Variants in CPNE4 observed in about 807,000 individuals in gnomAD.
CPNE4 encodes copine-4.
CPNE4 carries 25 observed loss-of-function variants against 67.9 expected under a neutral mutation model. That is an observed-to-expected ratio of 0.37 (90% CI 0.27 to 0.51). The LOEUF (loss-of-function observed/expected upper bound fraction) is 0.51. Ranked by LOEUF, CPNE4 falls within the 20% of genes least tolerant of loss-of-function variation. The probability of loss-of-function intolerance (pLI) is 0.93; values close to 1 mark genes in which losing one functional copy is unlikely to be tolerated. For missense variants in CPNE4, 464 were observed against 690.8 expected, an observed-to-expected ratio of 0.67 and a Z score of 3.68; for synonymous variants, 242 against 244.9, an observed-to-expected ratio of 0.99 and a Z score of 0.11.
intron 1 of CPNE4, among the ~76,000 whole-genome samples, chr3:131,997,330 GA>G (rs2073319554): frequency 6.6e-6 from 1 of 152,100 alleles, no homozygotes; most frequent in Non-Finnish European, 1.5e-5. Context: ...CCACTGTAGA[GA>G]CTGGTCTTCA....
At chr3:131,731,063 G>A (rs557780601) in intron 2 of CPNE4, among the ~76,000 whole-genome samples, 12 of 152,222 alleles carry the variant, frequency 7.9e-5, no homozygotes, top group African/African-American at 1.9e-4. Flanking sequence ...TAAACTGAAC[G>A]AGTGATCCAG....
chr3:131,535,453 C>A, intron 15 of CPNE4, 124 bp from the exon 16 acceptor site: 1 of 949,572 alleles, frequency 1.1e-6, no homozygotes, highest in Non-Finnish European at 1.5e-6. Flanking sequence ...CGTTATTTGT[C>A]AAGGGTCTAC....
At chr3:131,823,251 T>G (rs1322712919) in intron 2 of CPNE4, among the ~76,000 whole-genome samples, 1 of 152,266 alleles carries the variant, frequency 6.6e-6, no homozygotes, top group Non-Finnish European at 1.5e-5. Flanking sequence ...CTTCACATAC[T>G]ATTCAGTCCT....
chr3:131,946,620 A>G (rs2071559672), intron 1 of CPNE4, among the ~76,000 whole-genome samples: 1 of 152,216 alleles, frequency 6.6e-6, no homozygotes. Context: ...GAGTTGTGAG[A>G]GTTCTTTATA....
intron 2 of CPNE4, among the ~76,000 whole-genome samples, chr3:131,883,859 T>C (rs1249509201): frequency 1.3e-5 from 2 of 152,254 alleles, no homozygotes; most frequent in African/African-American, 4.8e-5. Flanking sequence ...ATTCCTTAAA[T>C]AGGCTAAGCA....
At chr3:131,805,250 T>G (rs974663494) in intron 2 of CPNE4, among the ~76,000 whole-genome samples, 1 of 152,190 alleles carries the variant, frequency 6.6e-6, no homozygotes, top group Non-Finnish European at 1.5e-5. Flanking sequence ...TTATTTTGGA[T>G]AGCTAGTGTA....
chr3:131,613,731 T>C (rs1213541873), intron 7 of CPNE4, among the ~76,000 whole-genome samples: 1 of 152,188 alleles, frequency 6.6e-6, no homozygotes, highest in Non-Finnish European at 1.5e-5. Context: ...CTGAAAAATT[T>C]GGACACCTCA....
chr3:131,564,463 A>C lies in CPNE4; in HGVS notation c.928-114T>G, dbSNP rs908700990. 5.4e-4 allele frequency: 483 copies of C among 893,078 alleles called. 2 individuals are homozygous for C. Among genetic ancestry groups the C allele is most frequent in the Admixed American group, 8.8e-4 (31 of 35,258 alleles). The allele number at this position is 893,078 out of a possible 1,614,324, so 55.3% of individuals were successfully genotyped here. Reference sequence around the variant, plus strand: ...GGTCAAAAACAGTAGCACATTACATACCCTGCCAATAAAGAAAGAGAATAA... The same window carrying C: ...GGTCAAAAACAGTAGCACATTACATCCCCTGCCAATAAAGAAAGAGAATAA... On this transcript the variant is annotated intron_variant, in intron 10 of 15. Transcript: ENST00000429747.
At chr3:131,571,568 C>G (rs1427918399) in intron 10 of CPNE4, among the ~76,000 whole-genome samples, 1 of 152,054 alleles carries the variant, frequency 6.6e-6, no homozygotes, top group African/African-American at 2.4e-5. Context: ...TTTCAGTCTT[C>G]TCATTGTATT....
intron 1 of CPNE4, among the ~76,000 whole-genome samples, chr3:131,932,432 G>T (rs1369092075): frequency 1.3e-5 from 2 of 152,010 alleles, no homozygotes; most frequent in African/African-American, 4.8e-5. Context: ...TGATTAAGTG[G>T]AACACAAGAC....
intron 2 of CPNE4, among the ~76,000 whole-genome samples, chr3:131,726,265 T>C (rs2081996922): frequency 6.6e-6 from 1 of 152,220 alleles, no homozygotes; most frequent in South Asian, 2.1e-4. Context: ...TCCAGTGGCA[T>C]TCCCTTATAA....
intron 1 of CPNE4, among the ~76,000 whole-genome samples, chr3:131,947,814 T>C (rs2071600051): frequency 6.6e-6 from 1 of 152,162 alleles, no homozygotes; most frequent in Admixed American, 6.5e-5. Context: ...ATTGCCACGC[T>C]CTCTTCCACA....
intron 14 of CPNE4, among the ~76,000 whole-genome samples, chr3:131,549,009 T>G (rs566807735): frequency 1.3e-5 from 2 of 152,250 alleles, no homozygotes; most frequent in East Asian, 3.9e-4. Flanking sequence ...TTAATGGGAA[T>G]GAGTCTTCAG....
rs150288396 is a variant in CPNE4 at position 131,879,424 on chromosome 3, T to G, written c.180+25840A>C. ...CGACATTAACATACTCTATCTTCTA[T>G]GATAAATTAATGGGAAAATGCTGGC... On this transcript the variant is annotated intron_variant, in intron 2 of 15. Transcript: ENST00000429747. Among the ~76,000 whole-genome samples, 138 of 152,358 alleles carry G rather than the reference T, an allele frequency of 9.1e-4. No homozygotes were observed. The Middle Eastern group carries it at 0.014, about 15-fold the overall frequency.
chr3:131,735,036 G>T (rs886909760), intron 2 of CPNE4, among the ~76,000 whole-genome samples: 1 of 152,070 alleles, frequency 6.6e-6, no homozygotes, highest in African/African-American at 2.4e-5. Flanking sequence ...CTTGCACAGC[G>T]TGCCTACAAG....
chr3:131,850,402 G>A (rs759997423), intron 2 of CPNE4, among the ~76,000 whole-genome samples: 13 of 151,964 alleles, frequency 8.6e-5, no homozygotes, highest in African/African-American at 2.9e-4. Context: ...GTGTGGCCTC[G>A]GACAAGTTAC....
intron 6 of CPNE4, among the ~76,000 whole-genome samples, chr3:131,676,970 T>C (rs532800516): frequency 1.3e-5 from 2 of 152,228 alleles, no homozygotes; most frequent in South Asian, 4.1e-4. Context: ...TCTTCCACGA[T>C]GGTTGAACTA....
intron 1 of CPNE4, among the ~76,000 whole-genome samples, chr3:132,009,741 G>C (rs1012947030): frequency 3.3e-5 from 5 of 152,236 alleles, no homozygotes; most frequent in African/African-American, 1.2e-4. Flanking sequence ...ATTTAGTTAT[G>C]TAAGTAACTC....
intron 7 of CPNE4, among the ~76,000 whole-genome samples, chr3:131,621,709 C>T (rs1472857338): frequency 6.6e-6 from 1 of 151,916 alleles, no homozygotes; most frequent in African/African-American, 2.4e-5. Context: ...AAAATTATGC[C>T]ATTAAATGGA....
Sources: gnomAD v4.1 joint callset for allele counts (sites outside exome capture counted in the v4.1 genomes callset) on GRCh38, gnomAD v4.1.1 for gene constraint, MANE v1.5 for transcripts, NCBI Gene and HGNC (gene_info 2026-07-23, HGNC 2026-07-21) for gene names.